NPLOC4: variants seen among roughly 807,000 people sequenced by gnomAD.
NPLOC4 encodes nuclear protein localization protein 4 homolog.
In NPLOC4, 18 loss-of-function variants were observed where a neutral mutation model predicts 80.6. The observed-to-expected ratio is 0.22, with a 90% CI of 0.15 to 0.33. The LOEUF (loss-of-function observed/expected upper bound fraction) is 0.33, where lower values mean the gene tolerates loss of function less well. NPLOC4 is among the 10% of genes least tolerant of loss of function. NPLOC4 has a pLI of 1.00. For missense variants in NPLOC4, 540 were observed against 786.1 expected (o/e 0.69, Z 3.74); for synonymous variants, 313 against 301.5 (o/e 1.04, Z -0.39).
intron 3 of NPLOC4, among the ~76,000 whole-genome samples, chr17:81,619,453 G>A (rs1420687697): frequency 6.6e-6 from 1 of 151,756 alleles, no homozygotes; most frequent in African/African-American, 2.4e-5. Flanking sequence ...GGAGGCTAAG[G>A]CAGGAGAATC....
At chr17:81,599,818 T>G (rs779739880) in intron 9 of NPLOC4, among the ~76,000 whole-genome samples, 14 of 152,344 alleles carry the variant, frequency 9.2e-5, no homozygotes, top group Middle Eastern at 6.8e-3. Context: ...GGAAGAATTG[T>G]AGGCTCAGAG....
chr17:81,559,441 A>G (rs764653543), intron 16 of NPLOC4, 25 bp from the exon 17 acceptor site: 1 of 1,595,878 alleles, frequency 6.3e-7, no homozygotes, highest in South Asian at 1.1e-5. Flanking sequence ...AGAAATGAGC[A>G]CTCATCATTT....
At chr17:81,575,040 A>G (rs1598625343) in intron 12 of NPLOC4, among the ~76,000 whole-genome samples, 1 of 152,190 alleles carries the variant, frequency 6.6e-6, no homozygotes, top group Admixed American at 6.5e-5. Context: ...GGCACAAATG[A>G]CACCAGGATC....
intron 2 of NPLOC4, among the ~76,000 whole-genome samples, chr17:81,626,025 T>G (rs917908567): frequency 6.6e-6 from 1 of 151,870 alleles, no homozygotes; most frequent in Non-Finnish European, 1.5e-5. Context: ...GGTGCACCCC[T>G]GTAATCCCAG....
chr17:81,633,937 G>C (rs970168340), intron 1 of NPLOC4, among the ~76,000 whole-genome samples: 1 of 151,650 alleles, frequency 6.6e-6, no homozygotes, highest in African/African-American at 2.4e-5. Flanking sequence ...TGCGATCTCG[G>C]CTCACTGCAA....
intron 2 of NPLOC4, among the ~76,000 whole-genome samples, chr17:81,628,837 C>T (rs2035862281): frequency 6.6e-6 from 1 of 151,634 alleles, no homozygotes; most frequent in African/African-American, 2.4e-5. Context: ...CAGGGAGGAG[C>T]CAGGGATGAT....
rs60365534 is a variant in NPLOC4, at chr17:81,604,290, C to T, written c.834+258G>A. ...AATGAGCAAACCTGGACACAGCAGA[C>T]GAGATAAAAACACTGGATCAATAGT... On this transcript the variant is annotated intron_variant, in intron 8 of 16. Coordinates refer to ENST00000331134, the MANE Select transcript of NPLOC4 (RefSeq NM_017921.4). 1.8e-3 allele frequency among the ~76,000 whole-genome samples: 269 copies of T among 152,068 alleles called. 2 individuals are homozygous for T. Among genetic ancestry groups the T allele is most frequent in the African/African-American group, 6.2e-3 (259 of 41,472 alleles).
In NPLOC4 at chr17:81,557,340, C is replaced by G. The variant is rs943909965; in HGVS notation, c.*1919G>C. 3 of 152,518 alleles carry G rather than the reference C, an allele frequency of 2.0e-5. No homozygotes were observed. Among genetic ancestry groups the G allele is most frequent in the Admixed American group, 2.0e-4 (3 of 15,290 alleles). The allele number at this position is 152,518 out of a possible 1,614,324, so 9.4% of individuals were successfully genotyped here. A position where few individuals can be genotyped will look rare whatever the true frequency, so the allele number is the denominator to read the frequency against. ...ACAAAGAGTAACTCAAAACCAGAATCAGACAAATCGCCAATGCTTTTCCTT... is the reference window on the plus strand; with the variant it reads ...ACAAAGAGTAACTCAAAACCAGAATGAGACAAATCGCCAATGCTTTTCCTT... On this transcript the variant is annotated 3_prime_UTR_variant, in exon 17 of 17. Coordinates refer to ENST00000331134, the MANE Select transcript of NPLOC4 (RefSeq NM_017921.4).
chr17:81,611,769 C>T (rs570323183), intron 4 of NPLOC4, among the ~76,000 whole-genome samples: 1 of 151,542 alleles, frequency 6.6e-6, no homozygotes, highest in Non-Finnish European at 1.5e-5. Context: ...ACCATCCTGG[C>T]AAACACGGTG....
intron 2 of NPLOC4, among the ~76,000 whole-genome samples, chr17:81,624,343 A>G (rs752627679): frequency 2.6e-5 from 4 of 152,108 alleles, no homozygotes; most frequent in Non-Finnish European, 5.9e-5. Flanking sequence ...GCTTGAAACC[A>G]GAAGGCAGAG....
chr17:81,609,819 C>T (rs2035296179), intron 5 of NPLOC4, among the ~76,000 whole-genome samples: 1 of 152,190 alleles, frequency 6.6e-6, no homozygotes, highest in Non-Finnish European at 1.5e-5. Context: ...ATTACGGTAA[C>T]TCTCAGTCTC....
chr17:81,628,256 A>G (rs1370614138), intron 2 of NPLOC4, among the ~76,000 whole-genome samples: 2 of 151,470 alleles, frequency 1.3e-5, no homozygotes, highest in South Asian at 2.1e-4. Flanking sequence ...TATATCCTTC[A>G]TGGCTGGGCA....
chr17:81,558,807 CA>C lies in NPLOC4; in HGVS notation c.*451del, dbSNP rs2033737882. The C allele has an allele frequency of 1.3e-5, 2 of 153,632 alleles. No individual in the cohort carries two copies. The highest frequency in any genetic ancestry group is 6.5e-5 in the Admixed American group (1 of 15,354). The allele number at this position is 153,632 out of a possible 1,614,324, so 9.5% of individuals were successfully genotyped here. On this transcript the variant is annotated 3_prime_UTR_variant, in exon 17 of 17. Transcript: ENST00000331134. ...TGGCCCTCACAGGCAGGGTGCCTGC[CA>C]CCAAGCAGTCAGACAAGGGGGTAAC...
chr17:81,628,212 TAA>T (rs1193510260), intron 2 of NPLOC4, among the ~76,000 whole-genome samples: 3 of 101,564 alleles, frequency 3.0e-5, no homozygotes, highest in Admixed American at 1.1e-4. Context: ...CTCCCTCTCA[TAA>T]AAAAAAAAAG....
Position 81,596,129 on chromosome 17 carries a change from A to G in NPLOC4, c.1107T>C (p.Thr369=). 6 of 1,613,964 alleles carry G rather than the reference A, an allele frequency of 3.7e-6. No individual in the cohort carries two copies. Among genetic ancestry groups the G allele is most frequent in the Non-Finnish European group, 5.1e-6 (6 of 1,179,854 alleles). ...TCCCTGTTATACCTGTAGCCACTGCAGTAACAAACTTGGATCCAAAATGTC... is the reference window on the plus strand; with the variant it reads ...TCCCTGTTATACCTGTAGCCACTGCGGTAACAAACTTGGATCCAAAATGTC... The part of the protein sequence containing the change: ...PDGHFGSKFV[T]AVATGGPDNQ... The change falls in exon 11 of 17, where the codon ACT becomes ACC. Residue 369 remains threonine (T), a synonymous_variant. Coordinates refer to ENST00000331134, the MANE Select transcript of NPLOC4 (RefSeq NM_017921.4).
chr17:81,559,542 T>C, intron 16 of NPLOC4, 126 bp from the exon 17 acceptor site: 4 of 1,083,842 alleles, frequency 3.7e-6, no homozygotes, highest in South Asian at 1.6e-5. Flanking sequence ...CCAGTGCTGG[T>C]CCTGCCCACA....
chr17:81,559,446 T>A, intron 16 of NPLOC4, 30 bp from the exon 17 acceptor site: 1 of 1,588,302 alleles, frequency 6.3e-7, no homozygotes, highest in South Asian at 1.1e-5. Context: ...TGAGCACTCA[T>A]CATTTCTGGC....
chr17:81,572,120 A>C lies in NPLOC4; in HGVS notation c.1282-32T>G. The C allele has an allele frequency of 6.8e-7, 1 of 1,475,756 alleles. No homozygotes were observed. Among genetic ancestry groups the C allele is most frequent in the Non-Finnish European group, 9.4e-7 (1 of 1,069,158 alleles). The allele number at this position is 1,475,756 out of a possible 1,614,324, so 91.4% of individuals were successfully genotyped here. A position where few individuals can be genotyped will look rare whatever the true frequency, so the allele number is the denominator to read the frequency against. The stretch of plus-strand genomic sequence containing the variant: ...TAGTCAGAGGGGAACAGCGGTGAGC[A>C]AAGACGATCAGTAGTAATGATTTTC... On this transcript the variant is annotated intron_variant, in intron 12 of 16. Coordinates refer to ENST00000331134, the MANE Select transcript of NPLOC4 (RefSeq NM_017921.4). This position sits in a 1 kb window ranked among gnomAD's most constrained non-coding sequence, Gnocchi z 4.5.
At chr17:81,559,810 G>A (rs1299925870) in intron 16 of NPLOC4, among the ~76,000 whole-genome samples, 1 of 140,504 alleles carries the variant, frequency 7.1e-6, no homozygotes, top group African/African-American at 2.7e-5. Flanking sequence ...TCGGCTCACT[G>A]CAACCTCCAC....
Sources: gnomAD v4.1 joint callset for allele counts (sites outside exome capture counted in the v4.1 genomes callset) on GRCh38, gnomAD v4.1.1 for gene constraint, Gnocchi (gnomAD v3.1) non-coding constraint, MANE v1.5 for transcripts, NCBI Gene and HGNC (gene_info 2026-07-23, HGNC 2026-07-21) for gene names.